Variants in C7orf33 observed in about 807,000 individuals in gnomAD.
C7orf33 encodes uncharacterized protein C7orf33.
In C7orf33, 15 loss-of-function variants were observed where a neutral mutation model predicts 13.4. The observed-to-expected ratio is 1.12, with a 90% CI of 0.75 to 1.72. C7orf33 has a LOEUF of 1.72. Among genes scored for constraint, C7orf33 ranks in the 40% most tolerant of loss-of-function variants. C7orf33 has a pLI of 0.00. For missense variants in C7orf33, 187 were observed against 220.3 expected, an observed-to-expected ratio of 0.85 and a Z score of 0.96; for synonymous variants, 73 against 83.2, an observed-to-expected ratio of 0.88 and a Z score of 0.67.
intron 2 of C7orf33, among the ~76,000 whole-genome samples, chr7:148,614,654 T>C (rs1796581908): frequency 6.6e-6 from 1 of 152,232 alleles, no homozygotes; most frequent in Non-Finnish European, 1.5e-5. Context: ...GCTGGCATTG[T>C]ACTTGCAGAT....
intron 2 of C7orf33, 125 bp from the exon 3 acceptor site, chr7:148,615,202 G>A (rs1254862824): frequency 9.2e-6 from 6 of 655,494 alleles, no homozygotes; most frequent in Non-Finnish European, 1.4e-5. Flanking sequence ...GCCTCTCAAA[G>A]TGCTGGGATT....
intron 1 of C7orf33, among the ~76,000 whole-genome samples, chr7:148,609,374 A>C (rs1796511072): frequency 6.6e-6 from 1 of 152,236 alleles, no homozygotes; most frequent in South Asian, 2.1e-4. Context: ...GGCAGGGCAT[A>C]TGGGCCTCCT....
chr7:148,595,425 A>C (rs575620300), intron 1 of C7orf33, among the ~76,000 whole-genome samples: 4 of 131,368 alleles, frequency 3.0e-5, no homozygotes, highest in Non-Finnish European at 3.1e-5. Flanking sequence ...TATTATATAG[A>C]TATATCTATA....
intron 1 of C7orf33, among the ~76,000 whole-genome samples, chr7:148,595,604 A>ATCTG (rs1796326719): frequency 1.6e-5 from 2 of 123,058 alleles, no homozygotes; most frequent in African/African-American, 7.5e-5. Flanking sequence ...ATAGATATAC[A>ATCTG]TATTATATAT....
intron 1 of C7orf33, among the ~76,000 whole-genome samples, chr7:148,606,931 A>ACACACACAC (rs1554449216): frequency 2.1e-3 from 42 of 20,194 alleles, no homozygotes; most frequent in African/African-American, 3.1e-3. Context: ...TTAAAAAAAA[A>ACACACACAC]ATACACACAC....
chr7:148,596,788 G>T (rs1246678499), intron 1 of C7orf33, among the ~76,000 whole-genome samples: 2 of 151,990 alleles, frequency 1.3e-5, no homozygotes, highest in African/African-American at 2.4e-5. Flanking sequence ...TGCTCCATCT[G>T]TTCCTCCCTT....
At chr7:148,613,705 G>A (rs959347194) in intron 1 of C7orf33, among the ~76,000 whole-genome samples, 4 of 152,156 alleles carry the variant, frequency 2.6e-5, no homozygotes, top group African/African-American at 9.7e-5. Flanking sequence ...ATTTCTTTGG[G>A]GGATGATGAA....
chr7:148,609,576 C>T (rs1351993716), intron 1 of C7orf33, among the ~76,000 whole-genome samples: 1 of 152,186 alleles, frequency 6.6e-6, no homozygotes, highest in East Asian at 1.9e-4. Flanking sequence ...GGCTGTCCTC[C>T]TAGGTGTAAA....
intron 1 of C7orf33, among the ~76,000 whole-genome samples, chr7:148,605,390 A>G (rs1796461258): frequency 6.6e-6 from 1 of 152,116 alleles, no homozygotes; most frequent in African/African-American, 2.4e-5. Context: ...GGCAACTACA[A>G]CTGCATTTTG....
rs113744619 is a variant in C7orf33 at position 148,596,528 on chromosome 7, G to A, written c.204+5399G>A. On this transcript the variant is annotated intron_variant, in intron 1 of 2. Transcript: ENST00000307003. Reference sequence around the variant, plus strand: ...TGGAAGGCAAGGAGGAGCAAATCACGTCTTACATGGATGGCAGCAGGCAAA... The same window carrying A: ...TGGAAGGCAAGGAGGAGCAAATCACATCTTACATGGATGGCAGCAGGCAAA... Among the ~76,000 whole-genome samples the A allele has an allele frequency of 2.8e-3, 422 of 152,192 alleles. 1 individual carries two copies. Among genetic ancestry groups the A allele is most frequent in the Middle Eastern group, 0.01 (3 of 294 alleles).
At chr7:148,612,158 C>T (rs879056511) in intron 1 of C7orf33, among the ~76,000 whole-genome samples, 1 of 152,220 alleles carries the variant, frequency 6.6e-6, no homozygotes, top group Admixed American at 6.5e-5. Flanking sequence ...CTGGCCTGGA[C>T]CATGACTGAC....
At chr7:148,606,224 C>A (rs1563123196) in intron 1 of C7orf33, among the ~76,000 whole-genome samples, 1 of 152,168 alleles carries the variant, frequency 6.6e-6, no homozygotes, top group African/African-American at 2.4e-5. Context: ...TTCTTAGATT[C>A]ATCTCTCCAA....
intron 1 of C7orf33, among the ~76,000 whole-genome samples, chr7:148,609,551 C>G (rs754873257): frequency 6.6e-6 from 1 of 152,224 alleles, no homozygotes; most frequent in African/African-American, 2.4e-5. Context: ...ATACTGACAT[C>G]TTCATCTTGA....
chr7:148,598,230 T>G (rs1479368360), intron 1 of C7orf33, among the ~76,000 whole-genome samples: 3 of 152,146 alleles, frequency 2.0e-5, no homozygotes, highest in Non-Finnish European at 1.5e-5. Context: ...CATATTGAAA[T>G]GTTCAGTTCC....
At chr7:148,612,566 A>C (rs1031439378) in intron 1 of C7orf33, among the ~76,000 whole-genome samples, 14 of 152,202 alleles carry the variant, frequency 9.2e-5, no homozygotes, top group African/African-American at 3.4e-4. Context: ...CAATGTTTTT[A>C]ATGGGCAAAG....
At chr7:148,592,044 C>T (rs1796276930) in intron 1 of C7orf33, among the ~76,000 whole-genome samples, 2 of 152,192 alleles carry the variant, frequency 1.3e-5, no homozygotes, top group South Asian at 4.1e-4. Flanking sequence ...TTCTCCAGCC[C>T]TAATTTGTTT....
At chr7:148,596,006 A>T (rs1796334920) in intron 1 of C7orf33, among the ~76,000 whole-genome samples, 1 of 151,236 alleles carries the variant, frequency 6.6e-6, no homozygotes, top group Non-Finnish European at 1.5e-5. Flanking sequence ...GTGCAATTAA[A>T]TTTTTTTTTC....
Sources: gnomAD v4.1 joint callset for allele counts (sites outside exome capture counted in the v4.1 genomes callset) on GRCh38, gnomAD v4.1.1 for gene constraint, MANE v1.5 for transcripts, NCBI Gene and HGNC (gene_info 2026-07-23, HGNC 2026-07-21) for gene names.